MARK3: variants seen among roughly 807,000 people sequenced by gnomAD.
The protein encoded by MARK3 is MAP/microtubule affinity-regulating kinase 3.
In MARK3, 46 loss-of-function variants were observed where a neutral mutation model predicts 90.1. The observed-to-expected ratio is 0.51, with a 90% confidence interval of 0.40 to 0.65. The LOEUF (loss-of-function observed/expected upper bound fraction) is 0.65, where lower values mean the gene tolerates loss of function less well. Ranked by LOEUF, MARK3 falls within the 30% of genes least tolerant of loss-of-function variation. MARK3 has a pLI of 0.00. For synonymous variants in MARK3, 321 were observed against 332.6 expected (o/e 0.97, Z 0.38); for missense variants, 818 against 947.2 (o/e 0.86, Z 1.79).
rs2093872451 is a variant in MARK3, at chr14:103,483,869, CAGTG to C, written c.1586+3383_1586+3386del. Among the ~76,000 whole-genome samples, 16 of 152,344 alleles carry C rather than the reference CAGTG, an allele frequency of 1.1e-4. 1 individual carries two copies. In the South Asian group the frequency reaches 3.3e-3, roughly 32 times the overall value. On this transcript the variant is annotated intron_variant, in intron 14 of 17. Transcript: ENST00000429436. ...ATTCTATCATGATGGTATAGGTTTG[CAGTG>C]AGTCTTAAACCACATAGCACTGACA...
At chr14:103,484,163 C>CTTTTT (rs34512580) in intron 14 of MARK3, among the ~76,000 whole-genome samples, 2 of 146,282 alleles carry the variant, frequency 1.4e-5, no homozygotes, top group Non-Finnish European at 1.5e-5. Context: ...AGAATCTTTT[C>CTTTTT]TTTTTTTTTT....
At chr14:103,399,252 A>G (rs1288698476) in intron 1 of MARK3, among the ~76,000 whole-genome samples, 1 of 152,306 alleles carries the variant, frequency 6.6e-6, no homozygotes, top group East Asian at 1.9e-4. Flanking sequence ...CTTCTTTTAT[A>G]TGTGGGCAAA....
intron 1 of MARK3, chr14:103,386,512 A>T: frequency 2.4e-6 from 1 of 412,276 alleles, no homozygotes; most frequent in East Asian, 6.8e-5. Context: ...GATTAAGAGT[A>T]ATCGATTGGG....
chr14:103,467,820 A>G lies in MARK3; in HGVS notation c.1111-213A>G, dbSNP rs145417899. 175 of 424,158 alleles carry G rather than the reference A, an allele frequency of 4.1e-4. 2 individuals carry two copies. The highest frequency in any genetic ancestry group is 3.3e-3 in the African/African-American group (163 of 49,212). 26.3% of individuals were successfully genotyped at this position (424,158 alleles called of 1,614,324 possible). The stretch of plus-strand genomic sequence containing the variant: ...TTAAAGTTATTTGAGAAAGCCTGGA[A>G]AGAAAATCATAAATACCTTACCTTT... On this transcript the variant is annotated intron_variant, in intron 11 of 17. Coordinates refer to ENST00000429436, the MANE Select transcript of MARK3 (RefSeq NM_001128918.3).
At chr14:103,391,948 C>T (rs1401188569) in intron 1 of MARK3, among the ~76,000 whole-genome samples, 2 of 152,092 alleles carry the variant, frequency 1.3e-5, no homozygotes, top group African/African-American at 4.8e-5. Flanking sequence ...TTTTTCTATA[C>T]TGGCAAAATG....
In MARK3 at chr14:103,423,200, C is replaced by CTTTTTTTTTTTTTTTTT. The variant is rs10529756; in HGVS notation, c.244-5173_244-5172insTTTTTTTTTTTTTTTTT. ...TCTATCCCCCTAGAGGACTTGCAGT[C>CTTTTTTTTTTTTTTTTT]TTTTTTTTTTTTTTGCCTCCTCTTT... is the stretch of plus-strand genomic sequence containing the variant. On this transcript the variant is annotated intron_variant, in intron 2 of 17. Transcript: ENST00000429436. 2.7e-3 allele frequency among the ~76,000 whole-genome samples: 253 copies of CTTTTTTTTTTTTTTTTT among 94,682 alleles called. 45 individuals carry two copies. Among genetic ancestry groups the CTTTTTTTTTTTTTTTTT allele is most frequent in the Non-Finnish European group, 3.1e-3 (161 of 52,406 alleles). 62.1% of individuals were successfully genotyped at this position (94,682 alleles called of 152,430 possible).
At chr14:103,386,107 C>T in intron 1 of MARK3, 27 bp downstream of exon 1, 1 of 1,611,998 alleles carries the variant, frequency 6.2e-7, no homozygotes, top group South Asian at 1.1e-5. Flanking sequence ...TTGTAGTTGG[C>T]GGACCTTCGG....
rs1391486471 is a variant in MARK3, at chr14:103,405,100, C to T, written c.76C>T (p.Gln26Ter). Residue 26 changes from glutamine to a stop codon, truncating the protein, a stop_gained, in exon 2 of 18, where the codon CAA (glutamine) becomes TAA (stop). Coordinates refer to ENST00000429436, the MANE Select transcript of MARK3 (RefSeq NM_001128918.3). LOFTEE classifies it high-confidence loss of function. Reference protein sequence around the residue: ...ENHTSHGDGRQEVTSRTSRSG... With the variant: ...ENHTSHGDGR ...GCACACGTCACATGGAGATGGGCGT[C>T]AAGAAGTTACCTCTCGTACCAGCCG... 6.2e-7 allele frequency: 1 copy of T among 1,613,846 alleles called. No individual in the cohort carries two copies. The highest frequency in any genetic ancestry group is 1.3e-5 in the African/African-American group (1 of 74,880).
chr14:103,468,940 C>T (rs1385844254), intron 12 of MARK3, among the ~76,000 whole-genome samples: 1 of 151,714 alleles, frequency 6.6e-6, no homozygotes, highest in African/African-American at 2.4e-5. Flanking sequence ...TAGAACTGGG[C>T]GCTGTACCGA....
chr14:103,393,062 C>T (rs2090362726), intron 1 of MARK3, among the ~76,000 whole-genome samples: 1 of 152,204 alleles, frequency 6.6e-6, no homozygotes, highest in South Asian at 2.1e-4. Context: ...TGGCTCACTG[C>T]AACCTCCGCC....
chr14:103,450,918 A>G (rs370871475), intron 4 of MARK3, among the ~76,000 whole-genome samples: 298 of 29,210 alleles, frequency 0.01, no homozygotes, highest in Middle Eastern at 0.029. Flanking sequence ...GTGTGTGTGT[A>G]TTCTTTTTTT....
chr14:103,453,639 G>A (rs1417053260), intron 5 of MARK3, among the ~76,000 whole-genome samples: 1 of 152,156 alleles, frequency 6.6e-6, no homozygotes, highest in Non-Finnish European at 1.5e-5. Context: ...CAAAACTTCA[G>A]GGGTAGTAGA....
chr14:103,424,469 T>G lies in MARK3; in HGVS notation c.244-3918T>G, dbSNP rs200910047. On this transcript the variant is annotated intron_variant, in intron 2 of 17. Coordinates refer to ENST00000429436, the MANE Select transcript of MARK3 (RefSeq NM_001128918.3). ...GAACCTGCGGAAGTCGAGGCTGCAA[T>G]GAACTGTGATCATGTCACTGCACTC... 1.7e-4 allele frequency among the ~76,000 whole-genome samples: 25 copies of G among 150,754 alleles called. No homozygotes were observed. In the East Asian group the frequency reaches 4.9e-3, roughly 29 times the overall value.
chr14:103,467,587 A>C (rs1176145381), intron 11 of MARK3: 1 of 155,000 alleles, frequency 6.5e-6, no homozygotes, highest in Non-Finnish European at 1.4e-5. Context: ...AGGCAAGAGA[A>C]CTGCTTGACC....
intron 17 of MARK3, among the ~76,000 whole-genome samples, chr14:103,501,240 G>A (rs1211459240): frequency 3.3e-5 from 5 of 152,196 alleles, no homozygotes; most frequent in African/African-American, 2.4e-5. Context: ...GCCCCATCAA[G>A]GCAGAGCACT....
intron 17 of MARK3, 100 bp from the exon 18 acceptor site, chr14:103,502,779 CGTT>C (rs2075741721): frequency 2.3e-6 from 2 of 852,982 alleles, no homozygotes; most frequent in East Asian, 2.6e-5. Flanking sequence ...GGAGGTCAGT[CGTT>C]AGTTGTGTTG....
intron 1 of MARK3, among the ~76,000 whole-genome samples, chr14:103,400,908 A>G (rs576179542): frequency 2.0e-5 from 3 of 150,748 alleles, no homozygotes; most frequent in African/African-American, 7.3e-5. Flanking sequence ...CAAAAAAAAA[A>G]AAAAAAAAAA....
At chr14:103,446,461 G>A (rs1035562515) in intron 3 of MARK3, among the ~76,000 whole-genome samples, 2 of 152,110 alleles carry the variant, frequency 1.3e-5, no homozygotes, top group Admixed American at 1.3e-4. Flanking sequence ...GGCGGAGGTT[G>A]CAGTGAGCCG....
chr14:103,401,851 G>C (rs952542203), intron 1 of MARK3, among the ~76,000 whole-genome samples: 6 of 152,178 alleles, frequency 3.9e-5, no homozygotes, highest in African/African-American at 1.4e-4. Flanking sequence ...TGAGATGCAG[G>C]GAGAGCCTTA....
Sources: allele counts gnomAD v4.1 joint callset (sites outside exome capture counted in the v4.1 genomes callset), GRCh38; gene constraint gnomAD v4.1.1; transcripts MANE v1.5; gene names NCBI Gene and HGNC (gene_info 2026-07-23, HGNC 2026-07-21).